Variants in FEZ1 observed in about 807,000 individuals in gnomAD.
The protein encoded by FEZ1 is fasciculation and elongation protein zeta 1.
In FEZ1, 20 loss-of-function variants were observed where a neutral mutation model predicts 49.3. That is an observed-to-expected ratio of 0.41 (90% CI 0.29 to 0.59). The LOEUF is 0.59. Ranked by LOEUF, FEZ1 falls within the 20% of genes least tolerant of loss-of-function variation. The pLI, the probability that FEZ1 is intolerant of heterozygous loss-of-function variation, is 0.36. For missense variants in FEZ1, 413 were observed against 476.0 expected, an observed-to-expected ratio of 0.87 and a Z score of 1.23; for synonymous variants, 170 against 180.9, an observed-to-expected ratio of 0.94 and a Z score of 0.48.
intron 6 of FEZ1, 96 bp downstream of exon 6, chr11:125,455,739 A>C: frequency 2.4e-6 from 3 of 1,268,678 alleles, no homozygotes; most frequent in South Asian, 1.2e-5. Context: ...ACTGCTCGGT[A>C]AACGTTGATG....
chr11:125,464,261 C>G (rs1048096058), intron 3 of FEZ1, among the ~76,000 whole-genome samples: 1 of 152,198 alleles, frequency 6.6e-6, no homozygotes, highest in African/African-American at 2.4e-5. Context: ...AGTTCACAGC[C>G]ATCAAAATTC....
chr11:125,461,897 G>C (rs1565535324), intron 4 of FEZ1, among the ~76,000 whole-genome samples: 1 of 152,168 alleles, frequency 6.6e-6, no homozygotes, highest in Non-Finnish European at 1.5e-5. Context: ...GAAATACCCA[G>C]TCTTTGACTA....
chr11:125,470,477 A>G (rs750097864), intron 3 of FEZ1, among the ~76,000 whole-genome samples: 4 of 152,212 alleles, frequency 2.6e-5, no homozygotes, highest in Non-Finnish European at 4.4e-5. Flanking sequence ...AAGGAATTCT[A>G]GAAAGCAAAA....
At chr11:125,492,968 TAAA>T (rs200489748) in intron 1 of FEZ1, among the ~76,000 whole-genome samples, 3 of 124,834 alleles carry the variant, frequency 2.4e-5, no homozygotes, top group African/African-American at 3.0e-5. Flanking sequence ...ACCCTATCTT[TAAA>T]AAAAAAAAAA....
intron 3 of FEZ1, among the ~76,000 whole-genome samples, chr11:125,466,999 TA>T (rs1199293943): frequency 3.2e-3 from 441 of 136,302 alleles, no homozygotes; most frequent in Non-Finnish European, 2.9e-3. Flanking sequence ...AGACAAAAAG[TA>T]AAAAAAAAAA....
chr11:125,458,971 CAGG>C (rs1203607956), intron 5 of FEZ1, among the ~76,000 whole-genome samples: 4 of 152,214 alleles, frequency 2.6e-5, no homozygotes, highest in East Asian at 3.9e-4. Flanking sequence ...GAGGATGAGG[CAGG>C]AGAACTGCTT....
chr11:125,460,625 G>A lies in FEZ1; in HGVS notation c.540C>T (p.Asp180=). Reference sequence around the variant, plus strand: ...CCAGAACCTCCTCTTCTTCCTCAGGGTCTGGGGAGTTCTGCATCATTTCCT... The same window carrying A: ...CCAGAACCTCCTCTTCTTCCTCAGGATCTGGGGAGTTCTGCATCATTTCCT... ...EIEEMMQNSP[D]PEEEEEVLEE... The change falls in exon 5 of 10, where the codon GAC becomes GAT. Residue 180 remains aspartate (D), a synonymous_variant. Transcript: ENST00000278919. 2 of 1,613,892 alleles carry A rather than the reference G, an allele frequency of 1.2e-6. No individual in the cohort carries two copies. The highest frequency in any genetic ancestry group is 1.7e-6 in the Non-Finnish European group (2 of 1,179,816).
At chr11:125,454,782 G>C (rs1023763555) in intron 6 of FEZ1, among the ~76,000 whole-genome samples, 3 of 151,598 alleles carry the variant, frequency 2.0e-5, no homozygotes, top group African/African-American at 7.3e-5. Flanking sequence ...TTGGGAGGCC[G>C]AGGCGGGGAG....
At chr11:125,491,938 T>A (rs1422245905) in intron 1 of FEZ1, among the ~76,000 whole-genome samples, 2 of 152,230 alleles carry the variant, frequency 1.3e-5, no homozygotes, top group African/African-American at 4.8e-5. Context: ...GCATCATTGG[T>A]CCTGATTTCC....
At position 125,489,298 on chromosome 11, in the gene FEZ1, G is replaced by C. The variant is rs1171301265; in HGVS notation, c.311+169C>G. The C allele has an allele frequency of 3.8e-6, 5 of 1,307,870 alleles. No homozygotes were observed. The highest frequency in any genetic ancestry group is 4.9e-6 in the Non-Finnish European group (5 of 1,029,274). The allele number at this position is 1,307,870 out of a possible 1,614,324, so 81.0% of individuals were successfully genotyped here. On this transcript the variant is annotated intron_variant, in intron 2 of 9. Transcript: ENST00000278919. The surrounding 1 kb of genome is among the most constrained non-coding windows in gnomAD (Gnocchi z 4.2). ...AAAGTTCTCCTCAGGGGACTGTAAA[G>C]GGACATATATAGAGCTATGACAGCA... is the stretch of plus-strand genomic sequence containing the variant.
chr11:125,452,250 G>C (rs961141143), intron 8 of FEZ1, 84 bp downstream of exon 8: 4 of 917,434 alleles, frequency 4.4e-6, no homozygotes, highest in Non-Finnish European at 7.3e-6. Context: ...GAGGAGTCTC[G>C]GGCCTGCGGC....
chr11:125,481,771 C>A, intron 2 of FEZ1, 138 bp from the exon 3 acceptor site: 1 of 680,960 alleles, frequency 1.5e-6, no homozygotes, highest in Non-Finnish European at 2.6e-6. Flanking sequence ...CATGCAGGGG[C>A]AAAGCAGCTT....
At chr11:125,457,429 A>AAATATATATAT (rs1164500309) in intron 5 of FEZ1, among the ~76,000 whole-genome samples, 1 of 20,910 alleles carries the variant, frequency 4.8e-5, no homozygotes, top group Non-Finnish European at 7.9e-5. Flanking sequence ...AAAAAAAAAA[A>AAATATATATAT]ATATATATAT....
chr11:125,468,797 G>A (rs940032943), intron 3 of FEZ1, among the ~76,000 whole-genome samples: 17 of 152,184 alleles, frequency 1.1e-4, no homozygotes, highest in South Asian at 2.1e-4. Context: ...TGCAGACCCC[G>A]AGGGGCAGCA....
At chr11:125,466,039 T>C (rs1220437804) in intron 3 of FEZ1, among the ~76,000 whole-genome samples, 1 of 152,212 alleles carries the variant, frequency 6.6e-6, no homozygotes, top group Non-Finnish European at 1.5e-5. Flanking sequence ...CCCTTGTGCA[T>C]ATAAATACTC....
At chr11:125,469,795 T>C (rs1450517967) in intron 3 of FEZ1, among the ~76,000 whole-genome samples, 1 of 151,760 alleles carries the variant, frequency 6.6e-6, no homozygotes, top group Non-Finnish European at 1.5e-5. Context: ...CAGGCTGGTA[T>C]TGAAAATTCT....
At chr11:125,451,982 C>T (rs1185578396) in intron 8 of FEZ1, among the ~76,000 whole-genome samples, 1 of 152,162 alleles carries the variant, frequency 6.6e-6, no homozygotes, top group Non-Finnish European at 1.5e-5. Flanking sequence ...CCTCAAGTTG[C>T]AGGGAGAGAG....
rs1956870328 is a variant in FEZ1, at chr11:125,443,097, A to G, written c.*2998T>C. On this transcript the variant is annotated 3_prime_UTR_variant, in exon 10 of 10. Coordinates refer to ENST00000278919, the MANE Select transcript of FEZ1 (RefSeq NM_005103.5). ...TAGGCCTAGCAAAATCCTTTAATTG[A>G]TGGAAACATACCTCATTTATAGGCT... 6.6e-6 allele frequency among the ~76,000 whole-genome samples: 1 copy of G among 152,080 alleles called. No individual in the cohort carries two copies. Among genetic ancestry groups the G allele is most frequent in the East Asian group, 1.9e-4 (1 of 5,180 alleles).
chr11:125,455,701 T>C (rs773375693), intron 6 of FEZ1, 134 bp downstream of exon 6: 31 of 880,248 alleles, frequency 3.5e-5, no homozygotes, highest in East Asian at 2.4e-5. Flanking sequence ...TCTGACCCCC[T>C]GTCTGTCACA....
Sources: allele counts gnomAD v4.1 joint callset (sites outside exome capture counted in the v4.1 genomes callset), GRCh38; gene constraint gnomAD v4.1.1; non-coding constraint Gnocchi (gnomAD v3.1); transcripts MANE v1.5; gene names NCBI Gene and HGNC (gene_info 2026-07-23, HGNC 2026-07-21).